SLTM: variants seen among roughly 807,000 people sequenced by gnomAD.
SLTM encodes SAFB like transcription modulator.
SLTM carries 43 observed loss-of-function variants against 134.6 expected under a neutral mutation model. The observed-to-expected ratio is 0.32, with a 90% CI of 0.25 to 0.41. The LOEUF is 0.41. Among genes scored for constraint, SLTM ranks in the 10% least tolerant of loss-of-function variants. SLTM has a pLI of 1.00. For missense variants in SLTM, 1,055 were observed against 1,288.8 expected, an observed-to-expected ratio of 0.82 and a Z score of 2.78; for synonymous variants, 424 against 432.3, an observed-to-expected ratio of 0.98 and a Z score of 0.24.
intron 14 of SLTM, 57 bp downstream of exon 14, chr15:58,892,837 AACT>A: frequency 6.6e-7 from 1 of 1,514,486 alleles, no homozygotes; most frequent in South Asian, 1.2e-5. Flanking sequence ...TATGGCTTAC[AACT>A]AGTGTTAAAT....
At chr15:58,893,757 C>T in intron 12 of SLTM, 64 bp downstream of exon 12, 1 of 1,509,674 alleles carries the variant, frequency 6.6e-7, no homozygotes, top group Non-Finnish European at 8.9e-7. Flanking sequence ...CAGGTTTTCC[C>T]TTCCACTGTA....
chr15:58,887,577 T>C, intron 17 of SLTM, 37 bp from the exon 18 acceptor site: 1 of 1,563,712 alleles, frequency 6.4e-7, no homozygotes, highest in Non-Finnish European at 8.6e-7. Context: ...GTCCAAGAAG[T>C]GCTTACTTGA....
Position 58,933,551 on chromosome 15 carries a change from G to C in SLTM, c.15C>G (p.Thr5=), listed in dbSNP as rs138619901. ...AGGCGGCCGAGGCTGCCACCGCACC[G>C]GTAGCGGCAGCCATCTTAGAAGAGC... MAAA[T]GAVAASAASG... is the part of the protein sequence containing the mutation. Residue 5 remains threonine (T), a synonymous_variant, in exon 1 of 21, where the codon ACC becomes ACG. Coordinates refer to ENST00000380516, the MANE Select transcript of SLTM (RefSeq NM_024755.4). The C allele has an allele frequency of 5.6e-6, 9 of 1,593,954 alleles. No homozygotes were observed. In the African/African-American group the frequency reaches 1.1e-4, roughly 19 times the overall value.
At chr15:58,896,983 A>G in intron 9 of SLTM, 132 bp downstream of exon 9, 1 of 587,156 alleles carries the variant, frequency 1.7e-6, no homozygotes, top group Non-Finnish European at 3.1e-6. Flanking sequence ...CACAGAACTC[A>G]ATAATTATGT....
intron 2 of SLTM, among the ~76,000 whole-genome samples, chr15:58,928,809 C>A (rs549548930): frequency 3.1e-4 from 47 of 152,262 alleles, no homozygotes; most frequent in Admixed American, 1.6e-3. Flanking sequence ...TATATTATGT[C>A]TCGCTGATGT....
chr15:58,897,648 G>T (rs538571234), intron 8 of SLTM: 90 of 153,544 alleles, frequency 5.9e-4, no homozygotes, highest in Non-Finnish European at 7.4e-4. Flanking sequence ...TCAGAGCAAG[G>T]TATACATTTT....
At chr15:58,903,223 C>T (rs554093564) in intron 5 of SLTM, among the ~76,000 whole-genome samples, 95 of 152,114 alleles carry the variant, frequency 6.2e-4, no homozygotes, top group African/African-American at 2.1e-3. Context: ...TTAGTAGAGA[C>T]GGGGTTTCAC....
chr15:58,915,810 G>A (rs1196911009), intron 3 of SLTM, among the ~76,000 whole-genome samples: 1 of 151,978 alleles, frequency 6.6e-6, no homozygotes, highest in Non-Finnish European at 1.5e-5. Flanking sequence ...CACAAACATC[G>A]AGAGACATGA....
At position 58,901,250 on chromosome 15, in the gene SLTM, T is replaced by G. The variant is rs751351715; in HGVS notation, c.589+10A>C. ...TTTTAGCAATTTTTAAGCTCTAGCA[T>G]CAAACATACCTTTCTCATTTTCTTC... On this transcript the variant is annotated intron_variant, in intron 6 of 20. Coordinates refer to ENST00000380516, the MANE Select transcript of SLTM (RefSeq NM_024755.4). 1 of 1,602,250 alleles carries G rather than the reference T, an allele frequency of 6.2e-7. No individual in the cohort carries two copies. Among genetic ancestry groups the G allele is most frequent in the Non-Finnish European group, 8.5e-7 (1 of 1,174,972 alleles).
Position 58,913,518 on chromosome 15 carries a change from T to C in SLTM, c.494A>G (p.Lys165Arg), listed in dbSNP as rs1175197702. The change falls in exon 4 of 21, where the codon AAA becomes AGA. Residue 165 changes from lysine (K) to arginine (R), a missense_variant. Lys to Arg is a conservative substitution (Grantham distance 26). This residue lies in a region of SLTM where 268 missense variants were observed against 284.3 expected (regional missense o/e 0.94). Transcript: ENST00000380516. ...AAAGACCTGACTTTCGATGTCCTCT[T>C]TTTCTATATCTTCTATTCCTTCTGC... is the stretch of plus-strand genomic sequence containing the variant. ...IEAEGIEDIE[K>R]EDIESQEIEA... 1 of 1,609,636 alleles carries C rather than the reference T, an allele frequency of 6.2e-7. No homozygotes were observed. The highest frequency in any genetic ancestry group is 1.7e-5 in the Admixed American group (1 of 59,868).
intron 5 of SLTM, among the ~76,000 whole-genome samples, chr15:58,904,814 A>C (rs2035758301): frequency 6.6e-6 from 1 of 151,902 alleles, no homozygotes; most frequent in Non-Finnish European, 1.5e-5. Context: ...TGGTTCAAGC[A>C]ATTCTCCTGC....
Position 58,930,712 on chromosome 15 carries a change from A to AT in SLTM, c.250+1643_250+1644insA, listed in dbSNP as rs1415393048. On this transcript the variant is annotated intron_variant, in intron 2 of 20. Coordinates refer to ENST00000380516, the MANE Select transcript of SLTM (RefSeq NM_024755.4). ...GCAACAGAGCAATACCCTATTAAAAAATATATATATATATCATATATGATA... is the reference window on the plus strand; with the variant it reads ...GCAACAGAGCAATACCCTATTAAAAATATATATATATATATCATATATGATA... Among the ~76,000 whole-genome samples the AT allele has an allele frequency of 6.1e-5, 9 of 147,278 alleles. No individual in the cohort carries two copies. The South Asian group carries it at 8.5e-4, about 14-fold the overall frequency.
At chr15:58,912,188 C>G (rs1345584824) in intron 5 of SLTM, among the ~76,000 whole-genome samples, 5 of 151,742 alleles carry the variant, frequency 3.3e-5, no homozygotes, top group Non-Finnish European at 1.5e-5. Context: ...CAAGCTCCAC[C>G]TCCTGCGTTC....
chr15:58,911,286 T>G (rs2036251742), intron 5 of SLTM, among the ~76,000 whole-genome samples: 1 of 152,162 alleles, frequency 6.6e-6, no homozygotes, highest in African/African-American at 2.4e-5. Flanking sequence ...GAAAGCATGC[T>G]GAGACAATCA....
chr15:58,917,772 C>CA (rs1303840695), intron 2 of SLTM, among the ~76,000 whole-genome samples: 22 of 152,004 alleles, frequency 1.4e-4, no homozygotes, highest in Admixed American at 3.3e-4. Context: ...ATTCTTGAGA[C>CA]AGAGTCGCAC....
chr15:58,924,663 T>G (rs1350637011), intron 2 of SLTM, among the ~76,000 whole-genome samples: 1 of 152,244 alleles, frequency 6.6e-6, no homozygotes, highest in East Asian at 1.9e-4. Flanking sequence ...CTGAGGATTT[T>G]GGATGATAAA....
chr15:58,927,225 A>G (rs1443707335), intron 2 of SLTM, among the ~76,000 whole-genome samples: 1 of 152,102 alleles, frequency 6.6e-6, no homozygotes, highest in Non-Finnish European at 1.5e-5. Flanking sequence ...ACCAAAAGAG[A>G]TATTTCTTTT....
intron 6 of SLTM, 116 bp downstream of exon 6, chr15:58,901,144 G>T: frequency 2.4e-6 from 2 of 836,824 alleles, no homozygotes; most frequent in Non-Finnish European, 3.8e-6. Flanking sequence ...TCACTAAATG[G>T]ATAAATTTGA....
intron 2 of SLTM, among the ~76,000 whole-genome samples, chr15:58,917,736 T>A (rs1333993365): frequency 1.3e-5 from 2 of 152,006 alleles, no homozygotes; most frequent in African/African-American, 4.8e-5. Flanking sequence ...TAGTTAGAAA[T>A]TTTTTTTAAG....
Sources: gnomAD v4.1 joint callset for allele counts (sites outside exome capture counted in the v4.1 genomes callset) on GRCh38, gnomAD v4.1.1 for gene constraint, gnomAD v4.1.1 regional missense constraint, MANE v1.5 for transcripts, NCBI Gene and HGNC (gene_info 2026-07-23, HGNC 2026-07-21) for gene names.